SEC14L5: variants seen among roughly 807,000 people sequenced by gnomAD.
The protein encoded by SEC14L5 is SEC14 like lipid binding 5.
Under a neutral mutation model 84.6 loss-of-function variants are expected in SEC14L5, and 96 were observed. The observed-to-expected ratio is 1.13, with a 90% confidence interval of 0.96 to 1.34. The LOEUF (loss-of-function observed/expected upper bound fraction) is 1.34, where lower values mean the gene tolerates loss of function less well. Ranked by LOEUF, SEC14L5 falls within the 40% of genes most tolerant of loss-of-function variation. The pLI, the probability that SEC14L5 is intolerant of heterozygous loss-of-function variation, is 0.00. For missense variants in SEC14L5, 1,224 were observed against 942.5 expected (o/e 1.30, Z -3.91); for synonymous variants, 546 against 383.4 (o/e 1.42, Z -4.95).
In SEC14L5 at chr16:4,996,430, G is replaced by A. The variant is rs1478164504; in HGVS notation, c.750G>A (p.Arg250=). ...PMQESCLIQL[R]HWLQETHKGK... ...AGGAGAGCTGCCTGATCCAGCTTCG[G>A]CACTGGTTACAGGAGACCCACAAAG... The change falls in exon 7 of 16, where the codon CGG becomes CGA. Residue 250 remains arginine, a synonymous_variant. Transcript: ENST00000251170. 1.9e-6 allele frequency: 3 copies of A among 1,571,912 alleles called. No individual in the cohort carries two copies. The African/African-American group carries it at 4.1e-5, about 21-fold the overall frequency.
At chr16:5,007,287 C>G (rs1707783162) in intron 12 of SEC14L5, 65 bp from the exon 13 acceptor site, 5 of 1,532,448 alleles carry the variant, frequency 3.3e-6, no homozygotes, top group Non-Finnish European at 3.6e-6. Context: ...CATCACCCTT[C>G]TGTGGGTCAG....
At chr16:4,977,647 T>G (rs1292956348) in intron 2 of SEC14L5, among the ~76,000 whole-genome samples, 1 of 151,826 alleles carries the variant, frequency 6.6e-6, no homozygotes, top group African/African-American at 2.4e-5. Flanking sequence ...GTGATTGACA[T>G]GGGTAGAGCC....
chr16:5,001,051 A>G lies in SEC14L5; in HGVS notation c.1130+126A>G. On this transcript the variant is annotated intron_variant, in intron 10 of 15. Coordinates refer to ENST00000251170, the MANE Select transcript of SEC14L5 (RefSeq NM_014692.2). ...GGCTTCATTCTCCCCCAGTTTCTAC[A>G]GTGGTCTTCTGGGCCTTGAGGCAGG... 3 of 749,756 alleles carry G rather than the reference A, an allele frequency of 4.0e-6. No individual in the cohort carries two copies. In the Admixed American group the frequency reaches 6.8e-5, roughly 17 times the overall value. 46.4% of individuals were successfully genotyped at this position (749,756 alleles called of 1,614,324 possible). A position where few individuals can be genotyped will look rare whatever the true frequency, so the allele number is the denominator to read the frequency against.
intron 2 of SEC14L5, among the ~76,000 whole-genome samples, chr16:4,982,391 G>A (rs979510530): frequency 4.6e-5 from 7 of 152,132 alleles, no homozygotes; most frequent in African/African-American, 1.4e-4. Context: ...ACAGATGCTG[G>A]GATACGCCCC....
At chr16:4,959,436 G>A in intron 2 of SEC14L5, 50 bp downstream of exon 2, 1 of 1,470,506 alleles carries the variant, frequency 6.8e-7, no homozygotes, top group Non-Finnish European at 9.5e-7. Flanking sequence ...GGAGGGGCTT[G>A]AGATCAGCTA....
In SEC14L5 at chr16:4,996,933, C is replaced by T. The variant is rs370988097; in HGVS notation, c.859C>T (p.Gln287Ter). ...GGACAAGGCCCGGGAAATGCTGCGC[C>T]AGTCCTTGAGCTGGCGCAAGCAGCA... ...HLDKAREMLR[Q>*]SLSWRKQHQV... Residue 287 changes from glutamine (Q) to a stop codon, truncating the protein, a stop_gained, in exon 8 of 16, where the codon CAG becomes TAG. Transcript: ENST00000251170. LOFTEE classifies it high-confidence loss of function. The T allele has an allele frequency of 1.2e-6, 2 of 1,613,724 alleles. No individual in the cohort carries two copies. The highest frequency in any genetic ancestry group is 8.5e-7 in the Non-Finnish European group (1 of 1,179,762).
chr16:4,990,676 C>T (rs1955542653), intron 4 of SEC14L5, 91 bp from the exon 5 acceptor site: 4 of 1,310,030 alleles, frequency 3.1e-6, no homozygotes, highest in Non-Finnish European at 4.1e-6. Context: ...ACTGCAGGCT[C>T]TGCCTGGGCC....
chr16:5,002,566 C>G (rs1250193256), intron 10 of SEC14L5, among the ~76,000 whole-genome samples: 1 of 152,110 alleles, frequency 6.6e-6, no homozygotes, highest in African/African-American at 2.4e-5. Context: ...GGAATCAATC[C>G]ATTAGTGTCC....
Position 4,987,699 on chromosome 16 carries a change from T to C in SEC14L5, c.206T>C (p.Leu69Pro). 6.6e-7 allele frequency: 1 copy of C among 1,518,798 alleles called. No individual in the cohort carries two copies. 94.1% of individuals were successfully genotyped at this position (1,518,798 alleles called of 1,614,324 possible). The stretch of plus-strand genomic sequence containing the variant: ...CTGCGCGTGGACGCCCCGCGGCTGC[T>C]GCGGAAGGTGGGCGGCCCTGGGGCT... ...CRLRVDAPRL[L>P]RKIAGVEHVV... is the part of the protein sequence containing the mutation. Residue 69 changes from leucine to proline, a missense_variant, in exon 3 of 16, where the codon CTG becomes CCG. Physicochemically the swap from Leu to Pro is moderately conservative, Grantham distance 98. Transcript: ENST00000251170.
intron 11 of SEC14L5, among the ~76,000 whole-genome samples, chr16:5,005,140 A>G (rs76793029): frequency 0.023 from 3,472 of 152,170 alleles, 62 homozygotes; most frequent in Non-Finnish European, 0.036. Flanking sequence ...GTGAAAATAC[A>G]AAAGTACAAA....
chr16:5,010,920 C>A, intron 14 of SEC14L5, 175 bp from the exon 15 acceptor site: 1 of 624,390 alleles, frequency 1.6e-6, no homozygotes, highest in Non-Finnish European at 2.8e-6. Flanking sequence ...GGGATAATAG[C>A]AAGGATGGCT....
In SEC14L5 at chr16:4,959,339, C is replaced by T; in HGVS notation, c.16C>T (p.Gln6Ter). The T allele has an allele frequency of 6.2e-7, 1 of 1,613,668 alleles. No individual in the cohort carries two copies. Among genetic ancestry groups the T allele is most frequent in the Non-Finnish European group, 8.5e-7 (1 of 1,179,636 alleles). The change falls in exon 2 of 16, where the codon CAG becomes TAG. Residue 6 changes from glutamine (Q) to a stop codon, truncating the protein, a stop_gained. Coordinates refer to ENST00000251170, the MANE Select transcript of SEC14L5 (RefSeq NM_014692.2). LOFTEE classifies it high-confidence loss of function. Reference sequence around the variant, plus strand: ...CAGCGTGAACATGGTGCAAAGATACCAGTCTCCTGTCCGAGTCTACAAGTA... The same window carrying T: ...CAGCGTGAACATGGTGCAAAGATACTAGTCTCCTGTCCGAGTCTACAAGTA... MVQRY[Q>*]SPVRVYKYPF...
intron 2 of SEC14L5, among the ~76,000 whole-genome samples, chr16:4,986,944 A>G (rs956926346): frequency 6.6e-6 from 1 of 152,182 alleles, no homozygotes; most frequent in Non-Finnish European, 1.5e-5. Flanking sequence ...TGGATGCTTT[A>G]GGATTTTCTA....
At chr16:4,989,327 G>GTTTTTTTTTTT (rs5815223) in intron 4 of SEC14L5, among the ~76,000 whole-genome samples, 2 of 136,460 alleles carry the variant, frequency 1.5e-5, no homozygotes, top group Non-Finnish European at 3.2e-5. Flanking sequence ...TGTTTGTTTT[G>GTTTTTTTTTTT]TTTTTTTTTT....
At position 5,014,939 on chromosome 16, in the gene SEC14L5, A is replaced by G. The variant is rs762082814; in HGVS notation, c.2060A>G (p.Gln687Arg). ...SAATSSSSSG[Q>R]SHSSSLVSR ...GCCACCTCGTCCTCCTCCTCCGGCC[A>G]GTCTCATAGCAGCTCCCTGGTCTCC... The change falls in exon 16 of 16, where the codon CAG (glutamine) becomes CGG (arginine). Residue 687 changes from glutamine to arginine, a missense_variant. Gln to Arg is a conservative substitution (Grantham distance 43). Transcript: ENST00000251170. The G allele has an allele frequency of 6.2e-6, 10 of 1,612,246 alleles. No individual in the cohort carries two copies. In the South Asian group the frequency reaches 9.9e-5, roughly 16 times the overall value.
intron 15 of SEC14L5, among the ~76,000 whole-genome samples, chr16:5,011,535 T>C (rs1000431701): frequency 1.3e-5 from 2 of 152,200 alleles, no homozygotes; most frequent in African/African-American, 4.8e-5. Flanking sequence ...TTTGGAGCAG[T>C]TGGAGGGGAG....
In SEC14L5 at chr16:5,016,448, A is replaced by C. The variant is rs1358886145; in HGVS notation, c.*1478A>C. On this transcript the variant is annotated 3_prime_UTR_variant, in exon 16 of 16. Transcript: ENST00000251170. ...CTTAGGCATTTGGGAGCACCAGCAGAATGGGGTCACTATTGTTGCATGAAG... is the reference window on the plus strand; with the variant it reads ...CTTAGGCATTTGGGAGCACCAGCAGCATGGGGTCACTATTGTTGCATGAAG... 6.6e-6 allele frequency: 1 copy of C among 152,210 alleles called. No individual in the cohort carries two copies. Among genetic ancestry groups the C allele is most frequent in the East Asian group, 1.9e-4 (1 of 5,190 alleles). The allele number at this position is 152,210 out of a possible 1,614,324, so 9.4% of individuals were successfully genotyped here. A position where few individuals can be genotyped will look rare whatever the true frequency, so the allele number is the denominator to read the frequency against.
chr16:4,978,801 C>T (rs531806760), intron 2 of SEC14L5, among the ~76,000 whole-genome samples: 62 of 152,222 alleles, frequency 4.1e-4, no homozygotes, highest in African/African-American at 1.4e-3. Flanking sequence ...ACGGGTTTCA[C>T]CGCGTTAGCC....
intron 2 of SEC14L5, among the ~76,000 whole-genome samples, chr16:4,974,467 G>A (rs1955316142): frequency 6.6e-6 from 1 of 152,164 alleles, no homozygotes; most frequent in Non-Finnish European, 1.5e-5. Context: ...ACCTCCCAAA[G>A]TGCTGGGATT....
Sources: allele counts gnomAD v4.1 joint callset (sites outside exome capture counted in the v4.1 genomes callset), GRCh38; gene constraint gnomAD v4.1.1; transcripts MANE v1.5; gene names NCBI Gene and HGNC (gene_info 2026-07-23, HGNC 2026-07-21).